Variants in F2 observed in about 807,000 individuals in gnomAD.
F2 encodes prothrombin.
Under a neutral mutation model 81.9 loss-of-function variants are expected in F2, and 34 were observed. The ratio of observed to expected loss-of-function variants is 0.42; its 90% confidence interval spans 0.32 to 0.55. The LOEUF (loss-of-function observed/expected upper bound fraction) is 0.55. Ranked by LOEUF, F2 falls within the 20% of genes least tolerant of loss-of-function variation. The probability of loss-of-function intolerance (pLI) is 0.18; values close to 1 mark genes in which losing one functional copy is unlikely to be tolerated. For synonymous variants in F2, 296 were observed against 326.4 expected, an observed-to-expected ratio of 0.91 and a Z score of 1.01; for missense variants, 630 against 833.4, an observed-to-expected ratio of 0.76 and a Z score of 3.00.
chr11:46,739,125 T>C lies in F2; in HGVS notation c.1725+7T>C, dbSNP rs2064961952. On this transcript the variant is annotated splice_region_variant and intron_variant, in intron 13 of 13. Transcript: ENST00000311907. ...GGGACCCTTTGTCATGAAGGTAAGC[T>C]TCTCTAAAGCCCAGGGCCTGGTGAA... is the stretch of plus-strand genomic sequence containing the variant. The C allele has an allele frequency of 6.2e-7, 1 of 1,614,090 alleles. No individual in the cohort carries two copies. The highest frequency in any genetic ancestry group is 1.7e-5 in the Admixed American group (1 of 60,000).
rs1418074198 is a variant in F2 at position 46,726,085 on chromosome 11, C to T, written c.786C>T (p.Cys262=). ...CTGTGCAGCTGGTGGAGAACTTCTGCCGCAACCCAGACGGGGATGAGGAGG... is the reference window on the plus strand; with the variant it reads ...CTGTGCAGCTGGTGGAGAACTTCTGTCGCAACCCAGACGGGGATGAGGAGG... ...NSAVQLVENF[C]RNPDGDEEGV... Residue 262 remains cysteine (C), a synonymous_variant, in exon 7 of 14, where the codon TGC becomes TGT. Coordinates refer to ENST00000311907, the MANE Select transcript of F2 (RefSeq NM_000506.5). This position sits in a 1 kb window ranked among gnomAD's most constrained non-coding sequence, Gnocchi z 5.9. The T allele has an allele frequency of 4.3e-6, 7 of 1,614,210 alleles. No homozygotes were observed. In the East Asian group the frequency reaches 1.6e-4, roughly 36 times the overall value.
At chr11:46,721,710 A>G (rs947869431) in intron 4 of F2, among the ~76,000 whole-genome samples, 2 of 152,192 alleles carry the variant, frequency 1.3e-5, no homozygotes, top group Non-Finnish European at 2.9e-5. Flanking sequence ...TTGTTTATTT[A>G]TAAGAGACAG....
At chr11:46,737,665 C>T (rs1022383898) in intron 12 of F2, among the ~76,000 whole-genome samples, 1 of 151,746 alleles carries the variant, frequency 6.6e-6, no homozygotes, top group African/African-American at 2.4e-5. Context: ...GTCTCGATCT[C>T]CTGACCTTGT....
chr11:46,731,474 C>G (rs200003443), intron 12 of F2, among the ~76,000 whole-genome samples: 9 of 152,036 alleles, frequency 5.9e-5, no homozygotes, highest in East Asian at 3.9e-4. Context: ...AGCCACAGCA[C>G]CTGGCCCAAA....
chr11:46,739,126 T>G lies in F2; in HGVS notation c.1725+8T>G. On this transcript the variant is annotated splice_region_variant and intron_variant, in intron 13 of 13. Transcript: ENST00000311907. Reference sequence around the variant, plus strand: ...GGACCCTTTGTCATGAAGGTAAGCTTCTCTAAAGCCCAGGGCCTGGTGAAC... The same window carrying G: ...GGACCCTTTGTCATGAAGGTAAGCTGCTCTAAAGCCCAGGGCCTGGTGAAC... 6.2e-7 allele frequency: 1 copy of G among 1,614,024 alleles called. No homozygotes were observed. Among genetic ancestry groups the G allele is most frequent in the Non-Finnish European group, 8.5e-7 (1 of 1,179,998 alleles).
Position 46,723,487 on chromosome 11 carries a change from G to T in F2, c.528G>T (p.Val176=). The change falls in exon 6 of 14, where the codon GTG becomes GTT. Residue 176 remains valine (V), a synonymous_variant. Transcript: ENST00000311907. The surrounding 1 kb of genome is among the most constrained non-coding windows in gnomAD (Gnocchi z 5.6). ...GGTGCTACACTACAGACCCCACCGT[G>T]AGGAGGCAGGAATGCAGCATCCCTG... is the stretch of plus-strand genomic sequence containing the variant. ...GPWCYTTDPT[V]RRQECSIPVC... 1 of 1,614,022 alleles carries T rather than the reference G, an allele frequency of 6.2e-7. No homozygotes were observed.
At chr11:46,722,111 C>T (rs2064841330) in intron 4 of F2, among the ~76,000 whole-genome samples, 1 of 150,812 alleles carries the variant, frequency 6.6e-6, no homozygotes, top group South Asian at 2.1e-4. Context: ...TCCCAGAGTG[C>T]TGGGATTACA....
intron 2 of F2, 185 bp downstream of exon 2, chr11:46,720,047 C>T (rs1420650698): frequency 6.3e-6 from 5 of 788,516 alleles, no homozygotes; most frequent in Non-Finnish European, 1.0e-5. Context: ...GGTCTCTGTG[C>T]CTGGACTGTG....
chr11:46,735,015 C>A (rs185797259), intron 12 of F2, among the ~76,000 whole-genome samples: 6 of 152,242 alleles, frequency 3.9e-5, no homozygotes, highest in East Asian at 3.9e-4. Context: ...GTCTCTAAAC[C>A]CTTTATTAAA....
chr11:46,739,328 G>C lies in F2; in HGVS notation c.1789G>C (p.Asp597His). ...IVSWGEGCDR[D>H]GKYGFYTHVF... ...CTCATGGGGTGAAGGCTGTGACCGG[G>C]ATGGGAAATATGGCTTCTACACACA... is the stretch of plus-strand genomic sequence containing the variant. Residue 597 changes from aspartate (D) to histidine (H), a missense_variant, in exon 14 of 14, where the codon GAT (aspartate) becomes CAT (histidine). Transcript: ENST00000311907. 6.2e-7 allele frequency: 1 copy of C among 1,614,190 alleles called. No homozygotes were observed. Among genetic ancestry groups the C allele is most frequent in the East Asian group, 2.2e-5 (1 of 44,888 alleles).
intron 12 of F2, among the ~76,000 whole-genome samples, chr11:46,734,042 T>C (rs944887800): frequency 2.4e-4 from 36 of 152,114 alleles, no homozygotes; most frequent in Admixed American, 4.6e-4. Flanking sequence ...CGCCTCGGCC[T>C]CCCAAAGTGC....
At position 46,726,736 on chromosome 11, in the gene F2, G is replaced by C; in HGVS notation, c.1029G>C (p.Glu343Asp). ...EADCGLRPLF[E>D]KKSLEDKTER... The stretch of plus-strand genomic sequence containing the variant: ...ACTGTGGGCTGCGACCTCTGTTCGA[G>C]AAGAAGTCGCTGGAGGACAAAACCG... Residue 343 changes from glutamate (E) to aspartate (D), a missense_variant, in exon 9 of 14, where the codon GAG (glutamate) becomes GAC (aspartate). Glu to Asp is a conservative substitution (Grantham distance 45, BLOSUM62 2). Coordinates refer to ENST00000311907, the MANE Select transcript of F2 (RefSeq NM_000506.5). This position sits in a 1 kb window ranked among gnomAD's most constrained non-coding sequence, Gnocchi z 5.9. 1.2e-6 allele frequency: 2 copies of C among 1,613,698 alleles called. No homozygotes were observed. Among genetic ancestry groups the C allele is most frequent in the Admixed American group, 1.7e-5 (1 of 60,010 alleles).
intron 12 of F2, 63 bp from the exon 13 acceptor site, chr11:46,738,985 G>A (rs376965526): frequency 3.7e-5 from 58 of 1,570,648 alleles, no homozygotes; most frequent in African/African-American, 2.3e-4. Flanking sequence ...GCTGTGTCTC[G>A]TGAAGGGGCG....
At position 46,726,280 on chromosome 11, in the gene F2, C is replaced by A; in HGVS notation, c.874+107C>A. ...CTTACCTCATTGAGTGCGCTCATTACAGCCTTACAGTAACCAGGTGGGGGG... is the reference window on the plus strand; with the variant it reads ...CTTACCTCATTGAGTGCGCTCATTAAAGCCTTACAGTAACCAGGTGGGGGG... On this transcript the variant is annotated intron_variant, in intron 7 of 13. Coordinates refer to ENST00000311907, the MANE Select transcript of F2 (RefSeq NM_000506.5). This position sits in a 1 kb window ranked among gnomAD's most constrained non-coding sequence, Gnocchi z 5.9. 1 of 1,477,186 alleles carries A rather than the reference C, an allele frequency of 6.8e-7. No homozygotes were observed. Among genetic ancestry groups the A allele is most frequent in the Non-Finnish European group, 9.2e-7 (1 of 1,085,408 alleles). 91.5% of individuals were successfully genotyped at this position (1,477,186 alleles called of 1,614,324 possible).
intron 2 of F2, 191 bp from the exon 3 acceptor site, chr11:46,720,332 G>A (rs2064828670): frequency 1.5e-6 from 1 of 665,408 alleles, no homozygotes; most frequent in African/African-American, 1.8e-5. Flanking sequence ...GTGTGTGTTG[G>A]AGGAACTCCC....
chr11:46,735,637 A>AT (rs2064939400), intron 12 of F2, among the ~76,000 whole-genome samples: 1 of 147,310 alleles, frequency 6.8e-6, no homozygotes, highest in Non-Finnish European at 1.5e-5. Context: ...AAAAAAAAAA[A>AT]ATCGGCTGGG....
chr11:46,730,465 A>T (rs2064904313), intron 12 of F2, among the ~76,000 whole-genome samples: 1 of 143,794 alleles, frequency 7.0e-6, no homozygotes, highest in South Asian at 2.2e-4. Flanking sequence ...TAAGGCCCTG[A>T]GGTGGGAGCA....
At chr11:46,733,438 A>C (rs1195556071) in intron 12 of F2, among the ~76,000 whole-genome samples, 1 of 152,160 alleles carries the variant, frequency 6.6e-6, no homozygotes, top group Non-Finnish European at 1.5e-5. Flanking sequence ...TCTGAGCTCA[A>C]GTGATCCATC....
Position 46,739,056 on chromosome 11 carries a change from C to A in F2, c.1663C>A (p.Pro555Thr). ...TDNMFCAGYK[P>T]DEGKRGDACE... The stretch of plus-strand genomic sequence containing the variant: ...GGCTGTTCTCTTTCAAGGTTACAAG[C>A]CTGATGAAGGGAAACGAGGGGATGC... The change falls in exon 13 of 14, where the codon CCT becomes ACT. Residue 555 changes from proline to threonine, a missense_variant. Transcript: ENST00000311907. 1.2e-6 allele frequency: 2 copies of A among 1,614,122 alleles called. No individual in the cohort carries two copies. Among genetic ancestry groups the A allele is most frequent in the South Asian group, 1.1e-5 (1 of 91,082 alleles).
Sources: allele counts gnomAD v4.1 joint callset (sites outside exome capture counted in the v4.1 genomes callset), GRCh38; gene constraint gnomAD v4.1.1; non-coding constraint Gnocchi (gnomAD v3.1); transcripts MANE v1.5; gene names NCBI Gene and HGNC (gene_info 2026-07-23, HGNC 2026-07-21).